The following ADGRB3 variants were observed in gnomAD, a reference collection of about 807,000 sequenced individuals.
ADGRB3 encodes the protein brain-specific angiogenesis inhibitor 3.
ADGRB3 carries 37 observed loss-of-function variants against 193.4 expected under a neutral mutation model. The ratio of observed to expected loss-of-function variants is 0.19; its 90% CI spans 0.15 to 0.25. The LOEUF (loss-of-function observed/expected upper bound fraction) is 0.25, where lower values mean the gene tolerates loss of function less well. Among genes scored for constraint, ADGRB3 ranks in the 10% least tolerant of loss-of-function variants. ADGRB3 has a pLI of 1.00. For synonymous variants in ADGRB3, 690 were observed against 644.2 expected (o/e 1.07, Z -1.08); for missense variants, 1,637 against 1,852.9 (o/e 0.88, Z 2.14).
At chr6:69,356,871 C>G (rs1022661094) in intron 28 of ADGRB3, among the ~76,000 whole-genome samples, 2 of 152,042 alleles carry the variant, frequency 1.3e-5, no homozygotes, top group African/African-American at 2.4e-5. Context: ...TTAAAGGAAA[C>G]TATATGTTCA....
intron 17 of ADGRB3, among the ~76,000 whole-genome samples, chr6:69,179,471 A>G (rs1448311899): frequency 6.6e-6 from 1 of 152,130 alleles, no homozygotes; most frequent in African/African-American, 2.4e-5. Flanking sequence ...TGAAATTTTA[A>G]TCTGTCATTT....
rs375842259 is a variant in ADGRB3, at chr6:69,388,911, G to A, written c.*20G>A. ...GTTTAAAAAAATCAAAATGGACTAA[G>A]GTAGAGACAAAACTTTATTGCACTG... On this transcript the variant is annotated 3_prime_UTR_variant, in exon 32 of 32. Transcript: ENST00000370598. 2 of 1,601,564 alleles carry A rather than the reference G, an allele frequency of 1.2e-6. No individual in the cohort carries two copies. Among genetic ancestry groups the A allele is most frequent in the Non-Finnish European group, 1.7e-6 (2 of 1,174,330 alleles).
At chr6:68,755,270 G>A (rs1766277019) in intron 3 of ADGRB3, among the ~76,000 whole-genome samples, 1 of 152,170 alleles carries the variant, frequency 6.6e-6, no homozygotes, top group Non-Finnish European at 1.5e-5. Context: ...AAGTAAAACA[G>A]CAAATATGCT....
chr6:68,895,236 T>A (rs1766187200), intron 3 of ADGRB3, among the ~76,000 whole-genome samples: 1 of 141,038 alleles, frequency 7.1e-6, no homozygotes, highest in Non-Finnish European at 1.6e-5. Context: ...TTTTTTTTTT[T>A]AGTTCAATGC....
intron 30 of ADGRB3, among the ~76,000 whole-genome samples, 189 bp from the exon 31 acceptor site, chr6:69,382,642 A>C (rs1251030468): frequency 1.3e-5 from 2 of 151,952 alleles, no homozygotes; most frequent in Non-Finnish European, 2.9e-5. Flanking sequence ...GCCAATTCTT[A>C]ATGTGTAAGA....
intron 17 of ADGRB3, among the ~76,000 whole-genome samples, chr6:69,169,915 A>G (rs1259643943): frequency 1.3e-5 from 2 of 152,100 alleles, no homozygotes; most frequent in East Asian, 3.8e-4. Context: ...TTGGCTATCT[A>G]AGTGCAGAAA....
At chr6:69,297,658 G>T (rs1885331) in intron 20 of ADGRB3, among the ~76,000 whole-genome samples, 116,226 of 151,658 alleles carry the variant, frequency 0.77, 44,715 homozygotes, top group Middle Eastern at 0.87. Flanking sequence ...TGAAATGAAC[G>T]CAGAAAGAAG....
intron 13 of ADGRB3, among the ~76,000 whole-genome samples, chr6:69,038,771 G>A (rs955693155): frequency 1.3e-5 from 2 of 152,160 alleles, no homozygotes; most frequent in Non-Finnish European, 2.9e-5. Flanking sequence ...AAACTAAGAA[G>A]TCTTAAATGA....
chr6:69,302,122 G>T (rs1003375547), intron 20 of ADGRB3, among the ~76,000 whole-genome samples: 2 of 151,822 alleles, frequency 1.3e-5, no homozygotes, highest in African/African-American at 4.8e-5. Flanking sequence ...TGCCTGAACA[G>T]GTTTTTAATG....
intron 3 of ADGRB3, among the ~76,000 whole-genome samples, chr6:68,694,145 T>G (rs1381831113): frequency 6.6e-6 from 1 of 152,048 alleles, no homozygotes; most frequent in African/African-American, 2.4e-5. Context: ...CATGGTGGCA[T>G]CTACCCCCAA....
At chr6:68,930,465 T>A (rs1767306988) in intron 3 of ADGRB3, 94 bp from the exon 4 acceptor site, 1 of 654,704 alleles carries the variant, frequency 1.5e-6, no homozygotes, top group African/African-American at 1.9e-5. Context: ...AATTATCTTC[T>A]AGGTATGTAT....
chr6:69,004,858 A>G (rs1161247545), intron 11 of ADGRB3, among the ~76,000 whole-genome samples: 2 of 152,118 alleles, frequency 1.3e-5, no homozygotes, highest in Non-Finnish European at 2.9e-5. Flanking sequence ...AAGGACTATG[A>G]GAATTTTCTT....
In ADGRB3 at chr6:69,042,860, G is replaced by T. The variant is rs1771112524; in HGVS notation, c.2108-5325G>T. Among the ~76,000 whole-genome samples the T allele has an allele frequency of 6.6e-5, 10 of 152,194 alleles. No individual in the cohort carries two copies. The South Asian group carries it at 2.1e-3, about 32-fold the overall frequency. On this transcript the variant is annotated intron_variant, in intron 13 of 31. Transcript: ENST00000370598. ...AAATATATTGAAAACATCAGTATAA[G>T]GCCACAATAAAAAGGACAGTTTTTA...
intron 11 of ADGRB3, among the ~76,000 whole-genome samples, chr6:68,996,917 G>A (rs1289129170): frequency 1.3e-5 from 2 of 151,952 alleles, no homozygotes; most frequent in African/African-American, 4.8e-5. Context: ...CAAAAGTAGT[G>A]GTAATAATCA....
chr6:68,932,801 T>G (rs946288539), intron 4 of ADGRB3, among the ~76,000 whole-genome samples: 1 of 151,040 alleles, frequency 6.6e-6, no homozygotes, highest in Non-Finnish European at 1.5e-5. Flanking sequence ...AACATACATT[T>G]AAATAATAAT....
intron 20 of ADGRB3, among the ~76,000 whole-genome samples, chr6:69,268,803 C>G (rs1441168392): frequency 6.6e-6 from 1 of 152,094 alleles, no homozygotes; most frequent in Non-Finnish European, 1.5e-5. Flanking sequence ...TTGCCCACTC[C>G]AAAATGGGCT....
At chr6:68,652,206 G>C (rs1768382082) in intron 3 of ADGRB3, among the ~76,000 whole-genome samples, 1 of 152,000 alleles carries the variant, frequency 6.6e-6, no homozygotes, top group Admixed American at 6.6e-5. Context: ...TCTCTACCAT[G>C]CCTCACCCTG....
chr6:69,005,562 C>T (rs913511827), intron 11 of ADGRB3, among the ~76,000 whole-genome samples: 2 of 152,040 alleles, frequency 1.3e-5, no homozygotes, highest in African/African-American at 4.8e-5. Flanking sequence ...TTCACATGGT[C>T]TTTTGTGACC....
At chr6:69,341,423 C>A (rs753222994) in intron 26 of ADGRB3, among the ~76,000 whole-genome samples, 2 of 151,472 alleles carry the variant, frequency 1.3e-5, no homozygotes, top group Non-Finnish European at 3.0e-5. Flanking sequence ...TAATAAGATA[C>A]AGATGTCCAT....
Sources: gnomAD v4.1 joint callset for allele counts (sites outside exome capture counted in the v4.1 genomes callset) on GRCh38, gnomAD v4.1.1 for gene constraint, MANE v1.5 for transcripts, NCBI Gene and HGNC (gene_info 2026-07-23, HGNC 2026-07-21) for gene names.